Variants in CA13 observed in about 807,000 individuals in gnomAD.
The protein encoded by CA13 is CA-XIII.
A neutral mutation model predicts 31.5 loss-of-function variants in CA13; 21 were observed. The ratio of observed to expected loss-of-function variants is 0.67; its 90% CI spans 0.47 to 0.96. The LOEUF is 0.96. CA13 is among the 40% of genes least tolerant of loss of function. The pLI, the probability that CA13 is intolerant of heterozygous loss-of-function variation, is 0.00. For missense variants in CA13, 315 were observed against 318.9 expected, an observed-to-expected ratio of 0.99 and a Z score of 0.09; for synonymous variants, 117 against 111.4, an observed-to-expected ratio of 1.05 and a Z score of -0.32.
intron 3 of CA13, among the ~76,000 whole-genome samples, chr8:85,262,559 G>A (rs185198066): frequency 2.5e-4 from 38 of 152,306 alleles, no homozygotes; most frequent in African/African-American, 7.9e-4. Context: ...AGGCTGGGAA[G>A]GGCCTGATCT....
At position 85,266,699 on chromosome 8, in the gene CA13, T is replaced by C. The variant is rs1326667623; in HGVS notation, c.446T>C (p.Leu149Ser). 1 of 1,612,120 alleles carries C rather than the reference T, an allele frequency of 6.2e-7. No homozygotes were observed. Among genetic ancestry groups the C allele is most frequent in the East Asian group, 2.2e-5 (1 of 44,852 alleles). Residue 149 changes from leucine (L) to serine (S), a missense_variant, in exon 4 of 7, where the codon TTA becomes TCA. By Grantham distance (145) the Leu-to-Ser change is moderately radical. Coordinates refer to ENST00000321764, the MANE Select transcript of CA13 (RefSeq NM_198584.3). ...PDGLAVLGVF[L>S]QIGEPNSQLQ... is the part of the protein sequence containing the mutation. ...GGACTGGCTGTCTTGGGAGTGTTTT[T>C]ACAGGTGAGAATCTACTGTTTTCAT... is the stretch of plus-strand genomic sequence containing the variant.
intron 2 of CA13, among the ~76,000 whole-genome samples, chr8:85,256,010 T>G (rs1408240195): frequency 6.7e-6 from 1 of 150,168 alleles, no homozygotes; most frequent in East Asian, 2.0e-4. Context: ...TGGTAGGTGC[T>G]CAATACATGT....
At chr8:85,274,425 C>T (rs942728276) in intron 6 of CA13, among the ~76,000 whole-genome samples, 1 of 152,094 alleles carries the variant, frequency 6.6e-6, no homozygotes, top group Non-Finnish European at 1.5e-5. Context: ...TTTAAATCCT[C>T]CTAAATTAGA....
At chr8:85,246,297 A>G in intron 1 of CA13, 1 of 456,398 alleles carries the variant, frequency 2.2e-6, no homozygotes, top group South Asian at 1.6e-5. Flanking sequence ...AAATCATAGA[A>G]AATCTTTAAA....
At chr8:85,251,001 CTTTTTT>C (rs34303043) in intron 2 of CA13, 64 bp downstream of exon 2, 1,043 of 769,626 alleles carry the variant, frequency 1.4e-3, no homozygotes, top group South Asian at 1.6e-3. Flanking sequence ...AGACTATACT[CTTTTTT>C]TTTTTTTTTT....
At chr8:85,266,571 C>A in intron 3 of CA13, 37 bp from the exon 4 acceptor site, 1 of 1,498,958 alleles carries the variant, frequency 6.7e-7, no homozygotes, top group Non-Finnish European at 9.2e-7. Flanking sequence ...GGATGTCTAA[C>A]AAAACATTCC....
chr8:85,262,098 T>C (rs1807388070), intron 3 of CA13, among the ~76,000 whole-genome samples: 1 of 152,286 alleles, frequency 6.6e-6, no homozygotes, highest in African/African-American at 2.4e-5. Flanking sequence ...AGTATACAAT[T>C]CCAAGGGTGG....
chr8:85,268,172 ATAAT>A (rs1452020616), intron 5 of CA13, among the ~76,000 whole-genome samples: 3 of 152,246 alleles, frequency 2.0e-5, no homozygotes, highest in African/African-American at 7.2e-5. Context: ...ATACTTATGC[ATAAT>A]TAGTCTCTGG....
intron 4 of CA13, 57 bp from the exon 5 acceptor site, chr8:85,267,845 G>A: frequency 1.0e-6 from 1 of 995,252 alleles, no homozygotes; most frequent in Non-Finnish European, 1.5e-6. Flanking sequence ...CTGAAATTGA[G>A]TGATTCAGAC....
At chr8:85,248,795 T>G (rs1342173039) in intron 1 of CA13, among the ~76,000 whole-genome samples, 1 of 152,204 alleles carries the variant, frequency 6.6e-6, no homozygotes. Flanking sequence ...AGCAAAGCAA[T>G]TAGGAGAAGA....
At chr8:85,259,182 G>A (rs752688861) in intron 2 of CA13, among the ~76,000 whole-genome samples, 13 of 152,120 alleles carry the variant, frequency 8.5e-5, no homozygotes, top group African/African-American at 1.7e-4. Context: ...TGTCTGTTAC[G>A]ATTTCCCAGG....
intron 2 of CA13, among the ~76,000 whole-genome samples, chr8:85,253,514 C>G (rs769877908): frequency 2.0e-5 from 3 of 152,190 alleles, no homozygotes; most frequent in Non-Finnish European, 2.9e-5. Flanking sequence ...ATCTGCCCGC[C>G]TCGGTCTCCC....
At chr8:85,252,747 G>A (rs1054905015) in intron 2 of CA13, among the ~76,000 whole-genome samples, 25 of 151,986 alleles carry the variant, frequency 1.6e-4, no homozygotes, top group African/African-American at 5.8e-4. Flanking sequence ...TGCTGTATTT[G>A]CTCTATTAAT....
intron 1 of CA13, chr8:85,246,159 G>A: frequency 1.8e-6 from 1 of 543,174 alleles, no homozygotes; most frequent in Non-Finnish European, 3.3e-6. Context: ...GAAAAGCCAA[G>A]GACTTTGCCT....
At chr8:85,276,341 C>T (rs1212768184) in intron 6 of CA13, among the ~76,000 whole-genome samples, 1 of 152,206 alleles carries the variant, frequency 6.6e-6, no homozygotes, top group Non-Finnish European at 1.5e-5. Context: ...GCCCGAGCTT[C>T]CCCAAACGAT....
At chr8:85,248,462 A>C (rs1813768694) in intron 1 of CA13, among the ~76,000 whole-genome samples, 1 of 151,436 alleles carries the variant, frequency 6.6e-6, no homozygotes, top group Non-Finnish European at 1.5e-5. Flanking sequence ...TGTCTCAAAA[A>C]AAAAAAAAAA....
intron 3 of CA13, among the ~76,000 whole-genome samples, chr8:85,265,404 T>A (rs140096165): frequency 2.8e-3 from 423 of 152,304 alleles, no homozygotes; most frequent in Non-Finnish European, 4.3e-3. Flanking sequence ...CTTTCACACT[T>A]GTGGGTGTGT....
At chr8:85,268,247 C>A (rs1807482156) in intron 5 of CA13, among the ~76,000 whole-genome samples, 1 of 152,104 alleles carries the variant, frequency 6.6e-6, no homozygotes, top group Admixed American at 6.5e-5. Flanking sequence ...TATATGAAAA[C>A]AAACCTTATG....
chr8:85,272,817 T>C (rs1341993261), intron 6 of CA13, among the ~76,000 whole-genome samples: 1 of 152,124 alleles, frequency 6.6e-6, no homozygotes, highest in Non-Finnish European at 1.5e-5. Flanking sequence ...CATTGTTTCC[T>C]TTTCTTTTCT....
Sources: gnomAD v4.1 joint callset for allele counts (sites outside exome capture counted in the v4.1 genomes callset) on GRCh38, gnomAD v4.1.1 for gene constraint, MANE v1.5 for transcripts, NCBI Gene and HGNC (gene_info 2026-07-23, HGNC 2026-07-21) for gene names.